BACH2: variants seen among roughly 807,000 people sequenced by gnomAD.
BACH2 encodes BACH transcriptional regulator 2, also known as transcription regulator protein BACH2.
In BACH2, 5 loss-of-function variants were observed where a neutral mutation model predicts 61.8. The observed-to-expected ratio is 0.08, with a 90% CI of 0.04 to 0.17. The LOEUF is 0.17. BACH2 is among the 10% of genes least tolerant of loss of function. The pLI, the probability that BACH2 is intolerant of heterozygous loss-of-function variation, is 1.00. For missense variants in BACH2, 824 were observed against 1,091.1 expected (o/e 0.76, Z 3.45); for synonymous variants, 446 against 440.1 (o/e 1.01, Z -0.17).
At chr6:90,030,253 C>T (rs1326988790) in intron 5 of BACH2, among the ~76,000 whole-genome samples, 2 of 152,124 alleles carry the variant, frequency 1.3e-5, no homozygotes, top group Non-Finnish European at 2.9e-5. Context: ...AGCCAGCACA[C>T]AGGACCCTCA....
chr6:90,152,444 G>A (rs1784857270), intron 4 of BACH2, among the ~76,000 whole-genome samples: 1 of 152,148 alleles, frequency 6.6e-6, no homozygotes, highest in Non-Finnish European at 1.5e-5. Flanking sequence ...AAACACAAAT[G>A]TTCTAATAAT....
Position 90,271,880 on chromosome 6 carries a change from C to T in BACH2, c.-384G>A, listed in dbSNP as rs527759776. 6.6e-6 allele frequency: 1 copy of T among 152,448 alleles called. No homozygotes were observed. The highest frequency in any genetic ancestry group is 6.5e-5 in the Admixed American group (1 of 15,300). 9.4% of individuals were successfully genotyped at this position (152,448 alleles called of 1,614,324 possible). ...TGCTTCAAGGGCTCATCAGCTTGGTCCCAAATGATGTCTTCAGTAGGTGGC... is the reference window on the plus strand; with the variant it reads ...TGCTTCAAGGGCTCATCAGCTTGGTTCCAAATGATGTCTTCAGTAGGTGGC... On this transcript the variant is annotated 5_prime_UTR_variant, in exon 2 of 9. Transcript: ENST00000257749.
intron 3 of BACH2, among the ~76,000 whole-genome samples, chr6:90,244,699 C>T (rs547682831): frequency 2.4e-4 from 37 of 152,302 alleles, no homozygotes; most frequent in Non-Finnish European, 4.9e-4. Flanking sequence ...CTATGGGGAC[C>T]ACTGGCTGGT....
At chr6:89,998,973 C>T (rs1388210518) in intron 6 of BACH2, among the ~76,000 whole-genome samples, 1 of 152,168 alleles carries the variant, frequency 6.6e-6, no homozygotes, top group East Asian at 1.9e-4. Flanking sequence ...TATTAGGTAA[C>T]TTTATTGATA....
chr6:90,051,457 A>T (rs1780043194), intron 5 of BACH2, among the ~76,000 whole-genome samples: 1 of 152,136 alleles, frequency 6.6e-6, no homozygotes, highest in Non-Finnish European at 1.5e-5. Context: ...CCACCCATTT[A>T]CGTATTATCT....
At chr6:90,060,510 A>G (rs1291861518) in intron 5 of BACH2, among the ~76,000 whole-genome samples, 1 of 152,062 alleles carries the variant, frequency 6.6e-6, no homozygotes, top group East Asian at 1.9e-4. Context: ...ATTGTGAGAG[A>G]CCATTGTTGT....
intron 4 of BACH2, among the ~76,000 whole-genome samples, chr6:90,164,091 A>G (rs186074694): frequency 1.3e-3 from 196 of 152,344 alleles, no homozygotes; most frequent in African/African-American, 4.5e-3. Flanking sequence ...AAACAGAGAC[A>G]CAAAAAACCT....
intron 1 of BACH2, among the ~76,000 whole-genome samples, chr6:90,278,781 ATCT>A (rs1465321158): frequency 3.9e-5 from 6 of 152,170 alleles, no homozygotes; most frequent in East Asian, 3.8e-4. Flanking sequence ...TTAAGCTCTG[ATCT>A]TCTTTTCTCT....
chr6:89,933,765 C>T (rs558826409), intron 8 of BACH2, among the ~76,000 whole-genome samples: 2 of 152,126 alleles, frequency 1.3e-5, no homozygotes, highest in East Asian at 1.9e-4. Flanking sequence ...TTGTGCGGAT[C>T]GCTTGAGCTC....
chr6:90,169,191 G>A (rs1334040679), intron 4 of BACH2, among the ~76,000 whole-genome samples: 1 of 151,076 alleles, frequency 6.6e-6, no homozygotes, highest in African/African-American at 2.4e-5. Flanking sequence ...AAGATTTTCT[G>A]AACTTTTTCC....
intron 3 of BACH2, among the ~76,000 whole-genome samples, chr6:90,249,403 G>C (rs1770734886): frequency 6.6e-6 from 1 of 152,124 alleles, no homozygotes; most frequent in Non-Finnish European, 1.5e-5. Flanking sequence ...TTTGGCATAA[G>C]ACACATTTTG....
chr6:90,089,888 A>C (rs1782090126), intron 4 of BACH2, among the ~76,000 whole-genome samples: 1 of 152,158 alleles, frequency 6.6e-6, no homozygotes, highest in Non-Finnish European at 1.5e-5. Context: ...ATTTGTGCAC[A>C]AAAATAGATG....
intron 4 of BACH2, among the ~76,000 whole-genome samples, chr6:90,122,104 T>C (rs1485769672): frequency 6.6e-6 from 1 of 152,138 alleles, no homozygotes; most frequent in Non-Finnish European, 1.5e-5. Context: ...CTAATCTGGT[T>C]CTCCTCCTGT....
At chr6:89,966,299 G>T (rs1332823592) in intron 6 of BACH2, among the ~76,000 whole-genome samples, 2 of 152,188 alleles carry the variant, frequency 1.3e-5, no homozygotes, top group African/African-American at 4.8e-5. Context: ...TTTTGCCAAA[G>T]GGACGATACA....
intron 8 of BACH2, among the ~76,000 whole-genome samples, chr6:89,935,600 G>A (rs780004183): frequency 2.0e-5 from 3 of 152,196 alleles, no homozygotes; most frequent in Non-Finnish European, 1.5e-5. Flanking sequence ...GAAACACAAC[G>A]TGTTATTTAA....
chr6:89,934,667 GA>G (rs200266780), intron 8 of BACH2, among the ~76,000 whole-genome samples: 3 of 150,838 alleles, frequency 2.0e-5, no homozygotes, highest in Non-Finnish European at 4.4e-5. Flanking sequence ...TCAAAAAAAA[GA>G]AAAAAAAATT....
intron 4 of BACH2, among the ~76,000 whole-genome samples, chr6:90,145,911 C>T (rs1244379579): frequency 6.6e-6 from 1 of 152,190 alleles, no homozygotes; most frequent in African/African-American, 2.4e-5. Flanking sequence ...GTGTGTCTGG[C>T]AGTGTCATTT....
intron 4 of BACH2, among the ~76,000 whole-genome samples, chr6:90,176,622 A>T (rs549443268): frequency 1.6e-4 from 25 of 152,246 alleles, no homozygotes; most frequent in African/African-American, 5.8e-4. Flanking sequence ...CCATCCAAAA[A>T]ATGTGTGTGT....
intron 7 of BACH2, among the ~76,000 whole-genome samples, chr6:89,945,764 A>G (rs1475386020): frequency 6.6e-6 from 1 of 151,824 alleles, no homozygotes; most frequent in Non-Finnish European, 1.5e-5. Context: ...TAAAATTCAA[A>G]CATTACAGAC....
Sources: allele counts gnomAD v4.1 joint callset (sites outside exome capture counted in the v4.1 genomes callset), GRCh38; gene constraint gnomAD v4.1.1; transcripts MANE v1.5; gene names NCBI Gene and HGNC (gene_info 2026-07-23, HGNC 2026-07-21).